The following DRC8 variants were observed in gnomAD, a reference collection of about 807,000 sequenced individuals.
DRC8 encodes dynein regulatory complex protein 8.
the DRC8 span, among the ~76,000 whole-genome samples, chr1:245,007,295 A>G: frequency 6.6e-6 from 1 of 152,178 alleles, no homozygotes; most frequent in African/African-American, 2.4e-5. Flanking sequence ...TTCAAAGAGA[A>G]CAAAATAATA....
the DRC8 span, among the ~76,000 whole-genome samples, chr1:245,028,582 T>C: frequency 6.6e-6 from 1 of 152,206 alleles, no homozygotes; most frequent in Non-Finnish European, 1.5e-5. Context: ...AAACCCACTC[T>C]GACCGAGACT....
the DRC8 span, chr1:245,082,150 T>C: frequency 3.1e-6 from 5 of 1,611,870 alleles, no homozygotes; most frequent in African/African-American, 1.3e-5. Context: ...ACAGAAATAC[T>C]ACTAGAAAGA....
At chr1:245,000,670 A>G in the DRC8 span, among the ~76,000 whole-genome samples, 3 of 151,726 alleles carry the variant, frequency 2.0e-5, no homozygotes, top group African/African-American at 7.3e-5. Flanking sequence ...AGTCCCAGCT[A>G]CTCTGGAGGC....
chr1:245,086,886 A>G, the DRC8 span: 1 of 513,392 alleles, frequency 1.9e-6, no homozygotes, highest in Non-Finnish European at 4.0e-6. Context: ...TCCATCTTTC[A>G]TCAAATACTG....
At chr1:245,090,170 T>C in the DRC8 span, among the ~76,000 whole-genome samples, 1 of 152,080 alleles carries the variant, frequency 6.6e-6, no homozygotes, top group East Asian at 1.9e-4. Context: ...GCAGTTCCGA[T>C]GGTGTCCGTG....
At chr1:245,084,673 A>G in the DRC8 span, among the ~76,000 whole-genome samples, 2 of 152,120 alleles carry the variant, frequency 1.3e-5, no homozygotes, top group African/African-American at 2.4e-5. Context: ...GCCTTCTCCC[A>G]TACAAAGCTA....
chr1:244,974,993 C>T, the DRC8 span, among the ~76,000 whole-genome samples: 4 of 151,896 alleles, frequency 2.6e-5, no homozygotes, highest in Admixed American at 6.6e-5. Flanking sequence ...TGCAGTGGCA[C>T]GATCTTGGCT....
chr1:245,061,019 A>G, the DRC8 span, among the ~76,000 whole-genome samples: 1 of 141,416 alleles, frequency 7.1e-6, no homozygotes, highest in Non-Finnish European at 1.6e-5. Flanking sequence ...GATATTTACC[A>G]TCTGGCCTTT....
At chr1:245,037,231 G>T in the DRC8 span, among the ~76,000 whole-genome samples, 1 of 152,162 alleles carries the variant, frequency 6.6e-6, no homozygotes, top group Non-Finnish European at 1.5e-5. Context: ...ACAATCTTAT[G>T]AATATCTGTA....
At chr1:245,112,839 C>T in the DRC8 span, among the ~76,000 whole-genome samples, 1 of 151,926 alleles carries the variant, frequency 6.6e-6, no homozygotes, top group East Asian at 1.9e-4. Context: ...CTGCAGCCTC[C>T]GCCTCCTGAG....
At chr1:244,984,204 A>G in the DRC8 span, among the ~76,000 whole-genome samples, 3 of 152,200 alleles carry the variant, frequency 2.0e-5, no homozygotes, top group Admixed American at 6.5e-5. Flanking sequence ...CAATTTCCCA[A>G]TTCTGTGAGT....
At chr1:245,036,929 G>A in the DRC8 span, among the ~76,000 whole-genome samples, 1 of 152,108 alleles carries the variant, frequency 6.6e-6, no homozygotes, top group Admixed American at 6.5e-5. Context: ...TCAACCTTGT[G>A]AATATACTAA....
the DRC8 span, among the ~76,000 whole-genome samples, chr1:244,987,627 G>T: frequency 0.019 from 2,576 of 135,912 alleles, 65 homozygotes; most frequent in African/African-American, 0.062. Context: ...CAAAGGCCAA[G>T]AATTGGATTC....
the DRC8 span, chr1:245,087,272 A>G: frequency 4.3e-6 from 7 of 1,611,150 alleles, no homozygotes; most frequent in Non-Finnish European, 5.9e-6. Flanking sequence ...GAGGAAATGG[A>G]AGAAATGTTG....
the DRC8 span, chr1:244,970,726 T>G: frequency 7.0e-6 from 3 of 431,266 alleles, no homozygotes; most frequent in East Asian, 7.9e-5. Context: ...TCCTCCCGCC[T>G]TCTTCTTTCT....
the DRC8 span, chr1:245,082,167 G>C: frequency 4.4e-6 from 7 of 1,606,574 alleles, no homozygotes; most frequent in Non-Finnish European, 6.0e-6. Flanking sequence ...AAGAAAGTAA[G>C]TAAGTAAATG....
chr1:245,068,595 C>A, the DRC8 span, among the ~76,000 whole-genome samples: 3 of 151,870 alleles, frequency 2.0e-5, no homozygotes, highest in South Asian at 6.3e-4. Context: ...GTATATGCCA[C>A]CACTCCCAGC....
chr1:245,111,299 C>T, the DRC8 span, among the ~76,000 whole-genome samples: 1 of 152,160 alleles, frequency 6.6e-6, no homozygotes, highest in African/African-American at 2.4e-5. Flanking sequence ...TACCCGGTGA[C>T]CTGCAGGGAC....
the DRC8 span, among the ~76,000 whole-genome samples, chr1:245,026,405 T>G: frequency 6.6e-6 from 1 of 152,254 alleles, no homozygotes; most frequent in Non-Finnish European, 1.5e-5. Context: ...CATATAGTGC[T>G]GTTTTGAAGA....
Sources: allele counts gnomAD v4.1 joint callset (sites outside exome capture counted in the v4.1 genomes callset), GRCh38; gene constraint gnomAD v4.1.1; transcripts MANE v1.5; gene names NCBI Gene and HGNC (gene_info 2026-07-23, HGNC 2026-07-21).